PEX7: variants seen among roughly 807,000 people sequenced by gnomAD.
PEX7 encodes peroxisomal biogenesis factor 7.
Under a neutral mutation model 47.5 loss-of-function variants are expected in PEX7, and 34 were observed. The observed-to-expected ratio is 0.72, with a 90% CI of 0.54 to 0.95. The LOEUF (loss-of-function observed/expected upper bound fraction) is 0.95. Among genes scored for constraint, PEX7 ranks in the 40% least tolerant of loss-of-function variants. PEX7 has a pLI of 0.00. For synonymous variants in PEX7, 141 were observed against 148.8 expected (o/e 0.95, Z 0.38); for missense variants, 394 against 400.3 (o/e 0.98, Z 0.13).
chr6:136,885,191 C>T (rs1030214211), intron 8 of PEX7, among the ~76,000 whole-genome samples: 9 of 152,230 alleles, frequency 5.9e-5, no homozygotes, highest in African/African-American at 1.4e-4. Context: ...AGCAGCATTC[C>T]GTGTCTTCCA....
rs556599513 is a variant in PEX7, at chr6:136,897,702, A to G, written c.804-440A>G. ...ATTAAGCCTAAGATCTTTCATGTCA[A>G]TTGTTGAGAAATGAAGTCATATTTA... On this transcript the variant is annotated intron_variant, in intron 8 of 9. Transcript: ENST00000318471. Among the ~76,000 whole-genome samples the G allele has an allele frequency of 1.0e-3, 158 of 152,316 alleles. 1 individual carries two copies. Among genetic ancestry groups the G allele is most frequent in the African/African-American group, 3.8e-3 (156 of 41,580 alleles).
Position 136,866,715 on chromosome 6 carries a change from C to T in PEX7, c.615C>T (p.Asp205=), listed in dbSNP as rs147298444. ...PAHQAEILSC[D]WCKYNENLLV... ...ATCAGGCAGAAATCTTGAGTTGTGACTGGTGTAAATACAATGAGGTATAGT... is the reference window on the plus strand; with the variant it reads ...ATCAGGCAGAAATCTTGAGTTGTGATTGGTGTAAATACAATGAGGTATAGT... The change falls in exon 6 of 10, where the codon GAC becomes GAT. Residue 205 remains aspartate (D), a synonymous_variant. Coordinates refer to ENST00000318471, the MANE Select transcript of PEX7 (RefSeq NM_000288.4). The T allele has an allele frequency of 6.4e-4, 1,032 of 1,613,710 alleles. 4 individuals carry two copies. The highest frequency in any genetic ancestry group is 1.5e-3 in the Middle Eastern group (9 of 6,062).
At chr6:136,894,143 TA>T (rs1367810819) in intron 8 of PEX7, among the ~76,000 whole-genome samples, 1 of 152,110 alleles carries the variant, frequency 6.6e-6, no homozygotes, top group Admixed American at 6.6e-5. Context: ...TGCAGTGCCC[TA>T]TGATTTAGCT....
intron 7 of PEX7, 64 bp downstream of exon 7, chr6:136,870,067 A>G (rs1167917515): frequency 3.8e-6 from 4 of 1,054,396 alleles, no homozygotes; most frequent in South Asian, 3.0e-5. Flanking sequence ...AATGAAGTGT[A>G]TATTAAAAAG....
chr6:136,863,791 C>T (rs898842650), intron 5 of PEX7, among the ~76,000 whole-genome samples: 1 of 152,062 alleles, frequency 6.6e-6, no homozygotes, highest in African/African-American at 2.4e-5. Context: ...CGCTTGTAGT[C>T]GCAGCTACTT....
intron 5 of PEX7, among the ~76,000 whole-genome samples, chr6:136,864,690 A>T (rs1775025898): frequency 6.6e-6 from 1 of 152,224 alleles, no homozygotes; most frequent in Non-Finnish European, 1.5e-5. Context: ...TAAGTGAAAG[A>T]TACTTTAAAA....
chr6:136,875,424 A>G (rs1775253768), intron 8 of PEX7, among the ~76,000 whole-genome samples: 2 of 152,156 alleles, frequency 1.3e-5, no homozygotes, highest in African/African-American at 4.8e-5. Flanking sequence ...GTATAATAGG[A>G]AATTATTTAG....
intron 3 of PEX7, chr6:136,830,110 A>G: frequency 2.9e-6 from 2 of 688,242 alleles, no homozygotes; most frequent in Non-Finnish European, 2.7e-6. Context: ...GTTTTAGTCA[A>G]TCTTGGATTT....
At chr6:136,880,865 A>T (rs1451149953) in intron 8 of PEX7, among the ~76,000 whole-genome samples, 1 of 152,266 alleles carries the variant, frequency 6.6e-6, no homozygotes, top group East Asian at 1.9e-4. Context: ...ACAAGCGGGC[A>T]GACAGCTGGG....
In PEX7 at chr6:136,826,922, T is replaced by C. The variant is rs191973789; in HGVS notation, c.339+453T>C. ...ATACTGAGTATGAGGCAGAACTTAC[T>C]GAAGGGATTTTATATCTAAATCTGG... On this transcript the variant is annotated intron_variant, in intron 3 of 9. Coordinates refer to ENST00000318471, the MANE Select transcript of PEX7 (RefSeq NM_000288.4). Among the ~76,000 whole-genome samples, 689 of 152,334 alleles carry C rather than the reference T, an allele frequency of 4.5e-3. 8 individuals are homozygous for C. The highest frequency in any genetic ancestry group is 0.016 in the African/African-American group (660 of 41,568).
chr6:136,897,700 C>T (rs537193157), intron 8 of PEX7, among the ~76,000 whole-genome samples: 47 of 152,154 alleles, frequency 3.1e-4, no homozygotes, highest in African/African-American at 9.4e-4. Flanking sequence ...TCTTTCATGT[C>T]AATTGTTGAG....
intron 5 of PEX7, among the ~76,000 whole-genome samples, chr6:136,859,455 C>T (rs575894050): frequency 2.0e-5 from 3 of 151,716 alleles, no homozygotes; most frequent in South Asian, 4.2e-4. Context: ...CATCTAGTTG[C>T]GTAAGTCATA....
rs558342613 is a variant in PEX7 at position 136,852,141 on chromosome 6, C to T, written c.526+5960C>T. ...AGGGTTTTTATGGTTTTAGGTCTAACGTTTAAATCTTTAATCCATCTTGAA... is the reference window on the plus strand; with the variant it reads ...AGGGTTTTTATGGTTTTAGGTCTAATGTTTAAATCTTTAATCCATCTTGAA... On this transcript the variant is annotated intron_variant, in intron 5 of 9. Coordinates refer to ENST00000318471, the MANE Select transcript of PEX7 (RefSeq NM_000288.4). Among the ~76,000 whole-genome samples, 10 of 147,724 alleles carry T rather than the reference C, an allele frequency of 6.8e-5. No individual in the cohort carries two copies. The South Asian group carries it at 1.1e-3, about 16-fold the overall frequency.
At chr6:136,847,102 G>A (rs540486363) in intron 5 of PEX7, among the ~76,000 whole-genome samples, 1 of 152,262 alleles carries the variant, frequency 6.6e-6, no homozygotes, top group Admixed American at 6.5e-5. Context: ...GTGATGATGA[G>A]CATTTTTTCA....
intron 3 of PEX7, among the ~76,000 whole-genome samples, chr6:136,835,274 G>A (rs1370446112): frequency 2.0e-5 from 3 of 150,210 alleles, no homozygotes; most frequent in Non-Finnish European, 4.4e-5. Context: ...CACTTTGGGA[G>A]CTTACAAAAA....
chr6:136,860,812 A>G (rs1212198131), intron 5 of PEX7, among the ~76,000 whole-genome samples: 1 of 152,222 alleles, frequency 6.6e-6, no homozygotes, highest in Non-Finnish European at 1.5e-5. Context: ...CTCACAATGA[A>G]CACATCCTTG....
chr6:136,851,003 T>TA (rs1253316557), intron 5 of PEX7, among the ~76,000 whole-genome samples: 1 of 142,774 alleles, frequency 7.0e-6, no homozygotes, highest in African/African-American at 2.6e-5. Context: ...TTTTAATTTT[T>TA]TTTTTTTTTA....
chr6:136,834,020 C>CA (rs893503649), intron 3 of PEX7, among the ~76,000 whole-genome samples: 50 of 151,720 alleles, frequency 3.3e-4, no homozygotes, highest in South Asian at 1.0e-3. Flanking sequence ...ACAACAACAA[C>CA]AAAAAAAACA....
rs147419380 is a variant in PEX7, at chr6:136,846,288, A to C, written c.526+107A>C. 3.1e-4 allele frequency: 176 copies of C among 569,728 alleles called. 2 individuals are homozygous for C. The highest frequency in any genetic ancestry group is 3.0e-4 in the Non-Finnish European group (95 of 315,230). 35.3% of individuals were successfully genotyped at this position (569,728 alleles called of 1,614,324 possible). A position where few individuals can be genotyped will look rare whatever the true frequency, so the allele number is the denominator to read the frequency against. On this transcript the variant is annotated intron_variant, in intron 5 of 9. Transcript: ENST00000318471. ...TTAGCTTCAGAGAGAAAACAGGAGA[A>C]TATTACTATTCTTTTGTGTTCTTAA...
Sources: gnomAD v4.1 joint callset for allele counts (sites outside exome capture counted in the v4.1 genomes callset) on GRCh38, gnomAD v4.1.1 for gene constraint, MANE v1.5 for transcripts, NCBI Gene and HGNC (gene_info 2026-07-23, HGNC 2026-07-21) for gene names.